LYPLAL1: variants seen among roughly 807,000 people sequenced by gnomAD.
The protein encoded by LYPLAL1 is lysophospholipase like 1, also known as lysophospholipase-like protein 1.
A neutral mutation model predicts 19.7 loss-of-function variants in LYPLAL1; 23 were observed. The observed-to-expected ratio is 1.17, with a 90% CI of 0.84 to 1.65. The LOEUF is 1.65. Ranked by LOEUF, LYPLAL1 falls within the 40% of genes most tolerant of loss-of-function variation. LYPLAL1 has a pLI of 0.00. For synonymous variants in LYPLAL1, 119 were observed against 96.3 expected (o/e 1.24, Z -1.38); for missense variants, 355 against 279.4 (o/e 1.27, Z -1.93).
the LYPLAL1 span, among the ~76,000 whole-genome samples, chr1:219,290,982 A>G: frequency 6.6e-6 from 1 of 152,210 alleles, no homozygotes; most frequent in Non-Finnish European, 1.5e-5. Context: ...ACTGGCTGTA[A>G]AATCTCAATC....
the LYPLAL1 span, among the ~76,000 whole-genome samples, chr1:219,293,043 T>C: frequency 2.0e-5 from 3 of 152,208 alleles, no homozygotes; most frequent in African/African-American, 4.8e-5. Flanking sequence ...AATTTTCACA[T>C]AGTAGATTCA....
intron 2 of LYPLAL1, among the ~76,000 whole-genome samples, chr1:219,185,316 A>G (rs546148111): frequency 2.0e-5 from 3 of 151,610 alleles, no homozygotes; most frequent in South Asian, 4.2e-4. Context: ...GAAGTTACCA[A>G]TTGTATTAAT....
chr1:219,425,489 A>T, the LYPLAL1 span, among the ~76,000 whole-genome samples: 1 of 152,200 alleles, frequency 6.6e-6, no homozygotes, highest in Non-Finnish European at 1.5e-5. Context: ...ATAGTTTAAA[A>T]TCATATATTT....
the LYPLAL1 span, among the ~76,000 whole-genome samples, chr1:219,363,580 T>A: frequency 6.6e-6 from 1 of 152,192 alleles, no homozygotes; most frequent in Non-Finnish European, 1.5e-5. Context: ...CTGATCATGT[T>A]ATTTTTGTCC....
intron 3 of LYPLAL1, among the ~76,000 whole-genome samples, chr1:219,194,331 G>A (rs900897651): frequency 5.9e-5 from 9 of 151,634 alleles, no homozygotes; most frequent in African/African-American, 1.7e-4. Context: ...TAGTCTAGGG[G>A]ATTATGAAGT....
intron 2 of LYPLAL1, among the ~76,000 whole-genome samples, chr1:219,192,064 G>T (rs896948756): frequency 6.6e-6 from 1 of 151,312 alleles, no homozygotes; most frequent in Non-Finnish European, 1.5e-5. Context: ...ATTGAAAAAT[G>T]GTGTAATTTT....
At chr1:219,209,598 C>T (rs776087616) in intron 3 of LYPLAL1, among the ~76,000 whole-genome samples, 2 of 152,070 alleles carry the variant, frequency 1.3e-5, no homozygotes, top group African/African-American at 2.4e-5. Context: ...TTGAATTCTA[C>T]TTCAAAGTAT....
chr1:219,283,787 A>G, the LYPLAL1 span, among the ~76,000 whole-genome samples: 1 of 152,182 alleles, frequency 6.6e-6, no homozygotes, highest in Non-Finnish European at 1.5e-5. Context: ...ATCTGTGGGT[A>G]GAGACTTAGT....
At chr1:219,239,730 A>G in the LYPLAL1 span, among the ~76,000 whole-genome samples, 2 of 152,260 alleles carry the variant, frequency 1.3e-5, no homozygotes, top group South Asian at 4.1e-4. Context: ...ATCTTCAAGT[A>G]TGCTGCTAGA....
the LYPLAL1 span, among the ~76,000 whole-genome samples, chr1:219,284,781 G>T: frequency 1.3e-5 from 2 of 152,182 alleles, no homozygotes; most frequent in African/African-American, 4.8e-5. Context: ...GGAGAGTTGG[G>T]GCTGGCTCCC....
chr1:219,411,450 A>G, the LYPLAL1 span, among the ~76,000 whole-genome samples: 1 of 151,962 alleles, frequency 6.6e-6, no homozygotes, highest in Non-Finnish European at 1.5e-5. Flanking sequence ...AACTAATCTG[A>G]TGGGGAGGTG....
intron 3 of LYPLAL1, among the ~76,000 whole-genome samples, chr1:219,206,863 TA>T (rs1249502895): frequency 6.6e-6 from 1 of 152,022 alleles, no homozygotes; most frequent in African/African-American, 2.4e-5. Flanking sequence ...AATCTCTTTT[TA>T]ATGTAAGTTT....
At chr1:219,262,012 T>C in the LYPLAL1 span, among the ~76,000 whole-genome samples, 1 of 152,158 alleles carries the variant, frequency 6.6e-6, no homozygotes, top group Non-Finnish European at 1.5e-5. Flanking sequence ...TTTAACATAA[T>C]CCCAAATTTC....
Position 219,181,099 on chromosome 1 carries a change from ATATAT to A in LYPLAL1, c.191+1855_191+1859del, listed in dbSNP as rs780994151. 3.2e-4 allele frequency among the ~76,000 whole-genome samples: 49 copies of A among 152,328 alleles called. 1 individual carries two copies. The highest frequency in any genetic ancestry group is 1.0e-3 in the African/African-American group (42 of 41,590). ...GAAATACGTAAGATTGATTTTAATAATATATTTTATTTAACCCAGTATATTCAAAA... is the reference window on the plus strand; with the variant it reads ...GAAATACGTAAGATTGATTTTAATAATTTATTTAACCCAGTATATTCAAAA... On this transcript the variant is annotated intron_variant, in intron 2 of 4. Coordinates refer to ENST00000366928, the MANE Select transcript of LYPLAL1 (RefSeq NM_138794.5).
At position 219,193,251 on chromosome 1, in the gene LYPLAL1, G is replaced by A. The variant is rs770359253; in HGVS notation, c.361G>A (p.Gly121Arg). ...SGIKKNRILI[G>R]GFSMGGCMAI... Reference sequence around the variant, plus strand: ...CATCAAGAAGAACAGGATATTAATAGGTAAGACCTTTAAATGTTGGTAATT... The same window carrying A: ...CATCAAGAAGAACAGGATATTAATAAGTAAGACCTTTAAATGTTGGTAATT... Residue 121 changes from glycine to arginine, a missense_variant and splice_region_variant, in exon 3 of 5, where the codon GGA becomes AGA. Physicochemically the swap from Gly to Arg is moderately radical, Grantham distance 125. Coordinates refer to ENST00000366928, the MANE Select transcript of LYPLAL1 (RefSeq NM_138794.5). The A allele has an allele frequency of 3.5e-5, 56 of 1,603,496 alleles. No homozygotes were observed. The highest frequency in any genetic ancestry group is 4.5e-5 in the Non-Finnish European group (53 of 1,173,906).
chr1:219,206,257 A>G (rs2125105604), intron 3 of LYPLAL1, among the ~76,000 whole-genome samples: 1 of 152,226 alleles, frequency 6.6e-6, no homozygotes, highest in East Asian at 1.9e-4. Flanking sequence ...TCTTAAGTGT[A>G]TGTTGAAATG....
At chr1:219,396,020 G>A in the LYPLAL1 span, among the ~76,000 whole-genome samples, 57 of 151,528 alleles carry the variant, frequency 3.8e-4, no homozygotes, top group African/African-American at 1.1e-3. Flanking sequence ...GAAGAATGGC[G>A]TGAACCTGGG....
At chr1:219,387,450 A>G in the LYPLAL1 span, among the ~76,000 whole-genome samples, 1 of 152,200 alleles carries the variant, frequency 6.6e-6, no homozygotes, top group African/African-American at 2.4e-5. Flanking sequence ...CCTTGCTTTC[A>G]GTTGATAAGG....
chr1:219,347,933 C>T, the LYPLAL1 span, among the ~76,000 whole-genome samples: 287 of 151,802 alleles, frequency 1.9e-3, 1 homozygote, highest in Middle Eastern at 6.8e-3. Context: ...AAAATATGTT[C>T]CTTGGCAGAG....
Sources: gnomAD v4.1 joint callset for allele counts (sites outside exome capture counted in the v4.1 genomes callset) on GRCh38, gnomAD v4.1.1 for gene constraint, MANE v1.5 for transcripts, NCBI Gene and HGNC (gene_info 2026-07-23, HGNC 2026-07-21) for gene names.